The following WDR17 variants were observed in gnomAD, a reference collection of about 807,000 sequenced individuals.
WDR17 encodes the protein WD repeat domain 17, also known as WD repeat-containing protein 17.
WDR17 carries 143 observed loss-of-function variants against 161.7 expected under a neutral mutation model. That is an observed-to-expected ratio of 0.88 (90% CI 0.77 to 1.02). The LOEUF (loss-of-function observed/expected upper bound fraction) is 1.02, where lower values mean the gene tolerates loss of function less well. Ranked by LOEUF, WDR17 falls within the 50% of genes least tolerant of loss-of-function variation. The pLI is 0.00. For missense variants in WDR17, 1,469 were observed against 1,520.9 expected (o/e 0.97, Z 0.57); for synonymous variants, 517 against 515.6 (o/e 1.00, Z -0.04).
intron 8 of WDR17, among the ~76,000 whole-genome samples, chr4:176,135,494 TG>T (rs939879624): frequency 1.3e-5 from 2 of 151,608 alleles, no homozygotes; most frequent in African/African-American, 4.8e-5. Context: ...TAACAAGTCA[TG>T]TAGAAAAACC....
chr4:176,180,317 T>A lies in WDR17; in HGVS notation c.*738T>A, dbSNP rs1412313376. ...CTTGCATTAGGTGATAAAGTGACTA[T>A]TTTAAGAGATTCAGCATGCATGGAT... On this transcript the variant is annotated 3_prime_UTR_variant, in exon 29 of 29. Coordinates refer to ENST00000508596, the MANE Select transcript of WDR17 (RefSeq NM_181265.4). 3 of 152,198 alleles carry A rather than the reference T, an allele frequency of 2.0e-5. No homozygotes were observed. The highest frequency in any genetic ancestry group is 4.4e-5 in the Non-Finnish European group (3 of 68,032). The allele number at this position is 152,198 out of a possible 1,614,324, so 9.4% of individuals were successfully genotyped here. A position where few individuals can be genotyped will look rare whatever the true frequency, so the allele number is the denominator to read the frequency against.
chr4:176,144,916 A>G (rs1328831525), intron 11 of WDR17, among the ~76,000 whole-genome samples: 7 of 152,126 alleles, frequency 4.6e-5, no homozygotes, highest in Non-Finnish European at 1.0e-4. Flanking sequence ...GCATGTAAAT[A>G]TATATATGCA....
chr4:176,120,312 ATATAT>A lies in WDR17; in HGVS notation c.538+216_538+220del, dbSNP rs200087676. ...TTTATATATATATATATATATATAT[ATATAT>A]ATAATACATTCAACACAGCTGTGAA... On this transcript the variant is annotated intron_variant, in intron 4 of 28. Coordinates refer to ENST00000508596, the MANE Select transcript of WDR17 (RefSeq NM_181265.4). Among the ~76,000 whole-genome samples, 1,175 of 148,034 alleles carry A rather than the reference ATATAT, an allele frequency of 7.9e-3. 28 individuals carry two copies. The highest frequency in any genetic ancestry group is 0.027 in the African/African-American group (1,086 of 40,406).
At chr4:176,155,947 C>A in intron 17 of WDR17, 132 bp from the exon 18 acceptor site, 1 of 761,708 alleles carries the variant, frequency 1.3e-6, no homozygotes, top group Non-Finnish European at 2.0e-6. Flanking sequence ...TCAGAAAGTA[C>A]CAAATCAGGA....
intron 1 of WDR17, chr4:176,068,282 G>A (rs776155844): frequency 6.6e-6 from 1 of 152,092 alleles, no homozygotes; most frequent in Non-Finnish European, 1.5e-5. Context: ...AGATTTCATC[G>A]AAATTATATT....
At chr4:176,159,339 GGA>G (rs1253201897) in intron 18 of WDR17, among the ~76,000 whole-genome samples, 1 of 136,308 alleles carries the variant, frequency 7.3e-6, no homozygotes, top group Non-Finnish European at 1.6e-5. Context: ...AGAGAGAAAG[GGA>G]GAGAGAGAGA....
intron 3 of WDR17, 140 bp from the exon 4 acceptor site, chr4:176,119,727 A>C (rs9993621): frequency 2.6e-6 from 2 of 778,296 alleles, no homozygotes; most frequent in Non-Finnish European, 4.0e-6. Context: ...GGATTTCTTT[A>C]TAAATCCAAT....
intron 17 of WDR17, among the ~76,000 whole-genome samples, chr4:176,154,202 C>A (rs1179566823): frequency 6.6e-6 from 1 of 151,940 alleles, no homozygotes; most frequent in African/African-American, 2.4e-5. Context: ...TGTCCTAAGG[C>A]GGGCACGGTG....
At chr4:176,094,220 G>A (rs1736503225) in intron 1 of WDR17, among the ~76,000 whole-genome samples, 2 of 152,098 alleles carry the variant, frequency 1.3e-5, no homozygotes, top group African/African-American at 4.8e-5. Context: ...CAAGTTTCAG[G>A]AATATATGCC....
intron 16 of WDR17, among the ~76,000 whole-genome samples, chr4:176,151,386 G>A (rs1000262548): frequency 6.6e-6 from 1 of 151,842 alleles, no homozygotes; most frequent in African/African-American, 2.4e-5. Flanking sequence ...CTCCCCTCCC[G>A]TGTCCCACCC....
chr4:176,067,203 G>A (rs6553907), intron 1 of WDR17, among the ~76,000 whole-genome samples: 151,926 of 152,334 alleles, frequency 1, 75,761 homozygotes, highest in Middle Eastern at 1. Flanking sequence ...GAAGGCAGAC[G>A]TCTGAGATAG....
intron 9 of WDR17, among the ~76,000 whole-genome samples, chr4:176,139,418 C>A (rs943709321): frequency 5.9e-5 from 9 of 151,894 alleles, no homozygotes; most frequent in African/African-American, 2.2e-4. Flanking sequence ...AACATGAAAT[C>A]TATTCTGATT....
intron 1 of WDR17, among the ~76,000 whole-genome samples, chr4:176,080,709 T>G (rs1304305157): frequency 6.6e-6 from 1 of 152,098 alleles, no homozygotes; most frequent in African/African-American, 2.4e-5. Context: ...TTGGCCTGTC[T>G]GAAATATTTA....
Position 176,179,786 on chromosome 4 carries a change from A to G in WDR17, c.*207A>G. On this transcript the variant is annotated 3_prime_UTR_variant, in exon 29 of 29. Transcript: ENST00000508596. ...AAGGAAAAATAGGTGCCTCCTTTAT[A>G]AACAGTAATAGCTACGTTTGGGAAG... The G allele has an allele frequency of 4.2e-6, 1 of 236,828 alleles. No individual in the cohort carries two copies. Among genetic ancestry groups the G allele is most frequent in the East Asian group, 8.7e-5 (1 of 11,518 alleles). The allele number at this position is 236,828 out of a possible 1,614,324, so 14.7% of individuals were successfully genotyped here.
chr4:176,147,965 T>C (rs1359196647), intron 12 of WDR17, among the ~76,000 whole-genome samples, 168 bp from the exon 13 acceptor site: 3 of 152,148 alleles, frequency 2.0e-5, no homozygotes, highest in Non-Finnish European at 4.4e-5. Context: ...CACATAAATA[T>C]ATACAATTAT....
At position 176,084,381 on chromosome 4, in the gene WDR17, G is replaced by A. The variant is rs146040334; in HGVS notation, c.-7+18302G>A. The stretch of plus-strand genomic sequence containing the variant: ...GGTCTTTTTAACAACCAGCTTTCCT[G>A]GGAACTAGAGTGAGAACTCACCCTT... On this transcript the variant is annotated intron_variant, in intron 1 of 28. Transcript: ENST00000508596. Among the ~76,000 whole-genome samples the A allele has an allele frequency of 8.0e-3, 1,221 of 152,044 alleles. 18 individuals are homozygous for A. Among genetic ancestry groups the A allele is most frequent in the African/African-American group, 0.028 (1,164 of 41,452 alleles).
In WDR17 at chr4:176,115,085, TATC is replaced by T. The variant is rs1390234938; in HGVS notation, c.124-708_124-706del. 3.9e-5 allele frequency among the ~76,000 whole-genome samples: 6 copies of T among 152,052 alleles called. No individual in the cohort carries two copies. The East Asian group carries it at 9.6e-4, about 24-fold the overall frequency. ...AAAGTTTGATGTAATAAATATTTAA[TATC>T]ATAATGATTTTTAAAACTTAGAATA... is the stretch of plus-strand genomic sequence containing the variant. On this transcript the variant is annotated intron_variant, in intron 2 of 28. Transcript: ENST00000508596.
chr4:176,148,340 A>G lies in WDR17; in HGVS notation c.1897+5A>G. 6.2e-7 allele frequency: 1 copy of G among 1,611,466 alleles called. No individual in the cohort carries two copies. The highest frequency in any genetic ancestry group is 8.5e-7 in the Non-Finnish European group (1 of 1,178,284). The stretch of plus-strand genomic sequence containing the variant: ...ATCACGGTGCAGATGTATATGGTAG[A>G]GTGTCTTTCATTCTTTCATGTATTT... On this transcript the variant is annotated splice_donor_5th_base_variant and intron_variant, in intron 13 of 28. Coordinates refer to ENST00000508596, the MANE Select transcript of WDR17 (RefSeq NM_181265.4).
intron 25 of WDR17, 23 bp downstream of exon 25, chr4:176,173,392 A>G (rs1751019915): frequency 1.4e-6 from 2 of 1,463,414 alleles, no homozygotes; most frequent in Non-Finnish European, 9.5e-7. Context: ...TCTGCAAAAT[A>G]TATAAGTGAA....
Sources: allele counts gnomAD v4.1 joint callset (sites outside exome capture counted in the v4.1 genomes callset), GRCh38; gene constraint gnomAD v4.1.1; transcripts MANE v1.5; gene names NCBI Gene and HGNC (gene_info 2026-07-23, HGNC 2026-07-21).